Variants in ZFHX4 observed in about 807,000 individuals in gnomAD.
ZFHX4 encodes zinc finger homeobox protein 4.
ZFHX4 carries 56 observed loss-of-function variants against 267.6 expected under a neutral mutation model. The observed-to-expected ratio is 0.21, with a 90% CI of 0.17 to 0.26. The LOEUF (loss-of-function observed/expected upper bound fraction) is 0.26, where lower values mean the gene tolerates loss of function less well. Among genes scored for constraint, ZFHX4 ranks in the 10% least tolerant of loss-of-function variants. The pLI is 1.00. For synonymous variants in ZFHX4, 1,778 were observed against 1,665.6 expected, an observed-to-expected ratio of 1.07 and a Z score of -1.64; for missense variants, 4,332 against 4,420.0, an observed-to-expected ratio of 0.98 and a Z score of 0.56.
At chr8:76,832,932 G>T (rs1305243229) in intron 4 of ZFHX4, among the ~76,000 whole-genome samples, 2 of 152,060 alleles carry the variant, frequency 1.3e-5, no homozygotes, top group South Asian at 2.1e-4. Flanking sequence ...ATACAGTAAT[G>T]ATATTTTTTC....
chr8:76,798,070 A>G (rs966469084), intron 4 of ZFHX4, among the ~76,000 whole-genome samples: 1 of 152,164 alleles, frequency 6.6e-6, no homozygotes, highest in Admixed American at 6.6e-5. Flanking sequence ...AAATTTGCAG[A>G]TAAAGAATAA....
At chr8:76,714,673 A>C (rs1321167871) in intron 3 of ZFHX4, among the ~76,000 whole-genome samples, 1 of 152,204 alleles carries the variant, frequency 6.6e-6, no homozygotes, top group Non-Finnish European at 1.5e-5. Context: ...ACTTCTGGTA[A>C]ATATAGAAGC....
At position 76,854,134 on chromosome 8, in the gene ZFHX4, A is replaced by C; in HGVS notation, c.7213A>C (p.Lys2405Gln). 6.2e-7 allele frequency: 1 copy of C among 1,612,740 alleles called. No homozygotes were observed. Among genetic ancestry groups the C allele is most frequent in the Non-Finnish European group, 8.5e-7 (1 of 1,179,294 alleles). The change falls in exon 10 of 11, where the codon AAA becomes CAA. Residue 2405 changes from lysine (K) to glutamine (Q), a missense_variant. Physicochemically the swap from Lys to Gln is moderately conservative, Grantham distance 53. This residue lies in a region of ZFHX4 where 1,648 missense variants were observed against 1,625.0 expected (regional missense o/e 1.01). Transcript: ENST00000651372. The part of the protein sequence containing the change: ...PKPEPEKTSP[K>Q]PEYPAEKPKQ... The stretch of plus-strand genomic sequence containing the variant: ...ACCAGAACCTGAGAAGACTTCTCCA[A>C]AACCTGAATATCCCGCAGAAAAGCC...
At position 76,852,236 on chromosome 8, in the gene ZFHX4, G is replaced by A; in HGVS notation, c.5315G>A (p.Gly1772Asp). 6.2e-7 allele frequency: 1 copy of A among 1,610,714 alleles called. No individual in the cohort carries two copies. Among genetic ancestry groups the A allele is most frequent in the Non-Finnish European group, 8.5e-7 (1 of 1,178,082 alleles). Residue 1772 changes from glycine to aspartate, a missense_variant, in exon 10 of 11, where the codon GGC becomes GAC. Gly to Asp is a moderately conservative substitution (Grantham distance 94, BLOSUM62 -1). This residue lies in a region of ZFHX4 where 1,371 missense variants were observed against 1,423.1 expected (regional missense o/e 0.96). Transcript: ENST00000651372. Reference sequence around the variant, plus strand: ...ATGCCTGGCATGACAGGAATGGCTGGCTCCTTGCTTGAAGACCTAAAGCAG... The same window carrying A: ...ATGCCTGGCATGACAGGAATGGCTGACTCCTTGCTTGAAGACCTAAAGCAG... ...FGMPGMTGMA[G>D]SLLEDLKQQI...
rs77889060 is a variant in ZFHX4 at position 76,806,278 on chromosome 8, T to G, written c.3326-27060T>G. Among the ~76,000 whole-genome samples the G allele has an allele frequency of 8.6e-4, 131 of 152,220 alleles. 4 individuals carry two copies. In the East Asian group the frequency reaches 0.022, roughly 25 times the overall value. Reference sequence around the variant, plus strand: ...TTGATGTCTTATGTTATTAAGATGATAACGAGTGAACACAGGGAAATGATG... The same window carrying G: ...TTGATGTCTTATGTTATTAAGATGAGAACGAGTGAACACAGGGAAATGATG... On this transcript the variant is annotated intron_variant, in intron 4 of 10. Transcript: ENST00000651372.
intron 3 of ZFHX4, among the ~76,000 whole-genome samples, chr8:76,767,206 A>G (rs187345002): frequency 3.9e-5 from 6 of 152,238 alleles, no homozygotes; most frequent in Admixed American, 3.9e-4. Flanking sequence ...ACAGAGACTC[A>G]GTTTTCTTAA....
In ZFHX4 at chr8:76,706,277, T is replaced by A. The variant is rs868396606; in HGVS notation, c.2189T>A (p.Leu730His). Reference sequence around the variant, plus strand: ...AAGCACCTGAACAATGTTCAGAATCTCCAAAATGGCAATGGTGAGCAGGTG... The same window carrying A: ...AAGCACCTGAACAATGTTCAGAATCACCAAAATGGCAATGGTGAGCAGGTG... ...SDKHLNNVQN[L>H]QNGNGEQVFG... The change falls in exon 2 of 11, where the codon CTC becomes CAC. Residue 730 changes from leucine to histidine, a missense_variant. By Grantham distance (99) the Leu-to-His change is moderately conservative. This residue lies in a region of ZFHX4 where 1,195 missense variants were observed against 1,173.6 expected (regional missense o/e 1.02). Transcript: ENST00000651372. 1 of 1,614,010 alleles carries A rather than the reference T, an allele frequency of 6.2e-7. No individual in the cohort carries two copies. Among genetic ancestry groups the A allele is most frequent in the South Asian group, 1.1e-5 (1 of 91,070 alleles).
At chr8:76,859,752 T>C (rs1812819918) in intron 10 of ZFHX4, among the ~76,000 whole-genome samples, 1 of 152,086 alleles carries the variant, frequency 6.6e-6, no homozygotes, top group Admixed American at 6.6e-5. Flanking sequence ...TTAGCACAAT[T>C]GTCTTTGGCC....
intron 10 of ZFHX4, among the ~76,000 whole-genome samples, chr8:76,860,020 G>T (rs1164782573): frequency 6.6e-6 from 1 of 151,978 alleles, no homozygotes; most frequent in East Asian, 1.9e-4. Context: ...TGGGAAATGG[G>T]AAAGAATGTA....
In ZFHX4 at chr8:76,760,690, G is replaced by A. The variant is rs552116790; in HGVS notation, c.3094-17518G>A. On this transcript the variant is annotated intron_variant, in intron 3 of 10. Coordinates refer to ENST00000651372, the MANE Select transcript of ZFHX4 (RefSeq NM_024721.5). ...CACCTGTAATCCCAGTACTATGGGA[G>A]GCCAGGGCCAGAGGATCACATGAGT... Among the ~76,000 whole-genome samples the A allele has an allele frequency of 4.1e-4, 63 of 152,206 alleles. No homozygotes were observed. The South Asian group carries it at 8.3e-3, about 20-fold the overall frequency.
intron 3 of ZFHX4, among the ~76,000 whole-genome samples, chr8:76,738,907 G>A (rs1270739405): frequency 1.3e-5 from 2 of 152,006 alleles, no homozygotes; most frequent in South Asian, 2.1e-4. Flanking sequence ...TAGAGATGGG[G>A]TTTTACCATG....
Position 76,853,187 on chromosome 8 carries a change from C to A in ZFHX4, c.6266C>A (p.Pro2089His). Residue 2089 changes from proline to histidine, a missense_variant, in exon 10 of 11, where the codon CCT (proline) becomes CAT (histidine). Transcript: ENST00000651372. ...ATTATGATGCAACCTGTGCAACACC[C>A]TGCGCTTCCTCCCCAGCTTGCCCTG... Reference protein sequence around the residue: ...PSIMMQPVQHPALPPQLALQL... With the variant: ...PSIMMQPVQHHALPPQLALQL... The A allele has an allele frequency of 6.4e-7, 1 of 1,554,406 alleles. No homozygotes were observed. Among genetic ancestry groups the A allele is most frequent in the East Asian group, 2.4e-5 (1 of 41,076 alleles).
chr8:76,697,520 G>A (rs1237515951), intron 1 of ZFHX4, among the ~76,000 whole-genome samples: 2 of 151,902 alleles, frequency 1.3e-5, no homozygotes. Context: ...TGAAAAACAT[G>A]GTAACTATGA....
intron 3 of ZFHX4, among the ~76,000 whole-genome samples, chr8:76,759,730 T>G (rs1408231052): frequency 2.0e-5 from 3 of 152,214 alleles, no homozygotes; most frequent in Non-Finnish European, 4.4e-5. Flanking sequence ...TTTTTGAATT[T>G]TATTCAATTT....
chr8:76,833,932 G>A (rs1449502470), intron 5 of ZFHX4, among the ~76,000 whole-genome samples: 1 of 151,926 alleles, frequency 6.6e-6, no homozygotes. Context: ...ATCCTTTATG[G>A]TCTCTATAGT....
At chr8:76,784,243 T>TTTTA (rs1244212508) in intron 4 of ZFHX4, among the ~76,000 whole-genome samples, 1 of 151,888 alleles carries the variant, frequency 6.6e-6, no homozygotes, top group Non-Finnish European at 1.5e-5. Flanking sequence ...TTTTATTTTA[T>TTTTA]GTTTTTAGAT....
intron 4 of ZFHX4, among the ~76,000 whole-genome samples, chr8:76,778,642 G>A (rs757909712): frequency 3.3e-5 from 5 of 152,094 alleles, no homozygotes; most frequent in Non-Finnish European, 5.9e-5. Flanking sequence ...TACCATACGC[G>A]GTCCTGCATG....
At chr8:76,695,103 A>G (rs1209901493) in intron 1 of ZFHX4, among the ~76,000 whole-genome samples, 1 of 152,104 alleles carries the variant, frequency 6.6e-6, no homozygotes, top group Non-Finnish European at 1.5e-5. Context: ...TCCTTAGCAC[A>G]ACAGAATTAG....
chr8:76,695,807 T>C (rs1158681412), intron 1 of ZFHX4, among the ~76,000 whole-genome samples: 1 of 152,250 alleles, frequency 6.6e-6, no homozygotes, highest in East Asian at 1.9e-4. Context: ...TGATTAGTTT[T>C]TTCCCCCAGC....
Sources: gnomAD v4.1 joint callset for allele counts (sites outside exome capture counted in the v4.1 genomes callset) on GRCh38, gnomAD v4.1.1 for gene constraint, gnomAD v4.1.1 regional missense constraint, MANE v1.5 for transcripts, NCBI Gene and HGNC (gene_info 2026-07-23, HGNC 2026-07-21) for gene names.